Variants in ARPC1A observed in about 807,000 individuals in gnomAD.
ARPC1A encodes the protein actin related protein 2/3 complex subunit 1A.
In ARPC1A, 8 loss-of-function variants were observed where a neutral mutation model predicts 46.9. The ratio of observed to expected loss-of-function variants is 0.17; its 90% CI spans 0.10 to 0.31. The LOEUF (loss-of-function observed/expected upper bound fraction) is 0.31, where lower values mean the gene tolerates loss of function less well. Among genes scored for constraint, ARPC1A ranks in the 10% least tolerant of loss-of-function variants. The pLI, the probability that ARPC1A is intolerant of heterozygous loss-of-function variation, is 1.00. For missense variants in ARPC1A, 286 were observed against 483.6 expected (o/e 0.59, Z 3.83); for synonymous variants, 152 against 169.0 (o/e 0.90, Z 0.78).
intron 1 of ARPC1A, among the ~76,000 whole-genome samples, chr7:99,331,556 T>C (rs1330347179): frequency 2.0e-5 from 3 of 152,252 alleles, no homozygotes; most frequent in Admixed American, 6.5e-5. Context: ...TAATTCCATA[T>C]GTAATATCTA....
At chr7:99,359,834 C>G (rs1793710761) in intron 8 of ARPC1A, 96 bp downstream of exon 8, 1 of 1,336,962 alleles carries the variant, frequency 7.5e-7, no homozygotes, top group South Asian at 1.2e-5. Context: ...CTATGCCCCT[C>G]AGGCCCAGAC....
intron 6 of ARPC1A, among the ~76,000 whole-genome samples, chr7:99,356,995 T>C (rs1793648015): frequency 6.6e-6 from 1 of 152,228 alleles, no homozygotes. Flanking sequence ...TATATATCTT[T>C]TCATTTTTAA....
In ARPC1A at chr7:99,366,034, A is replaced by G. The variant is rs566047137; in HGVS notation, c.*105A>G. On this transcript the variant is annotated 3_prime_UTR_variant, in exon 10 of 10. Transcript: ENST00000262942. ...AGCCCCAAGGAAACACTGAAAACAC[A>G]TATCACGCCAATGCCGTGTGGTTTT... is the stretch of plus-strand genomic sequence containing the variant. The G allele has an allele frequency of 5.7e-5, 76 of 1,340,886 alleles. No homozygotes were observed. In the African/African-American group the frequency reaches 9.5e-4, roughly 17 times the overall value. 83.1% of individuals were successfully genotyped at this position (1,340,886 alleles called of 1,614,324 possible).
intron 4 of ARPC1A, among the ~76,000 whole-genome samples, chr7:99,346,427 T>G (rs750171779): frequency 1.3e-5 from 2 of 152,222 alleles, no homozygotes; most frequent in Non-Finnish European, 2.9e-5. Flanking sequence ...CAGGAAACTT[T>G]TCTTCCAAGT....
chr7:99,332,335 A>G (rs1436712117), intron 1 of ARPC1A, among the ~76,000 whole-genome samples: 2 of 152,192 alleles, frequency 1.3e-5, no homozygotes, highest in Non-Finnish European at 2.9e-5. Flanking sequence ...TGTGTACTTC[A>G]TGTGGACTGC....
At chr7:99,365,217 G>A (rs746775549) in intron 9 of ARPC1A, among the ~76,000 whole-genome samples, 4 of 152,044 alleles carry the variant, frequency 2.6e-5, no homozygotes, top group Non-Finnish European at 5.9e-5. Flanking sequence ...TTGGGAGGCC[G>A]AGGTGGGAGA....
At chr7:99,349,003 C>T in intron 5 of ARPC1A, 44 bp downstream of exon 5, 1 of 1,493,474 alleles carries the variant, frequency 6.7e-7, no homozygotes, top group Non-Finnish European at 9.2e-7. Flanking sequence ...GTGCATTCTT[C>T]ATCCTTCAAC....
chr7:99,330,405 C>T (rs1016810775), intron 1 of ARPC1A, among the ~76,000 whole-genome samples: 1 of 152,140 alleles, frequency 6.6e-6, no homozygotes, highest in African/African-American at 2.4e-5. Context: ...ACCTCCGCCT[C>T]CCATGTTCAA....
intron 6 of ARPC1A, among the ~76,000 whole-genome samples, chr7:99,357,146 C>T (rs1279037914): frequency 1.3e-5 from 2 of 152,106 alleles, no homozygotes; most frequent in Non-Finnish European, 2.9e-5. Context: ...TTAGCATACA[C>T]TTATTACAAG....
chr7:99,351,358 C>G (rs919774601), intron 5 of ARPC1A, among the ~76,000 whole-genome samples: 13 of 152,064 alleles, frequency 8.5e-5, no homozygotes, highest in Admixed American at 8.5e-4. Flanking sequence ...GGATTGCAGG[C>G]GTACACCACC....
In ARPC1A at chr7:99,336,481, A is replaced by ATTT. The variant is rs757908410; in HGVS notation, c.65-1674_65-1672dup. Among the ~76,000 whole-genome samples, 66 of 103,200 alleles carry ATTT rather than the reference A, an allele frequency of 6.4e-4. 4 individuals carry two copies. Among genetic ancestry groups the ATTT allele is most frequent in the Middle Eastern group, 5.3e-3 (1 of 188 alleles). 67.7% of individuals were successfully genotyped at this position (103,200 alleles called of 152,430 possible). A position where few individuals can be genotyped will look rare whatever the true frequency, so the allele number is the denominator to read the frequency against. On this transcript the variant is annotated intron_variant, in intron 2 of 9. Transcript: ENST00000262942. ...CCTAAAGTTTGGATCATAGGTCTTAATTTTTTTTTTTTTTTTTTTTTTTTT... is the reference window on the plus strand; with the variant it reads ...CCTAAAGTTTGGATCATAGGTCTTAATTTTTTTTTTTTTTTTTTTTTTTTTTTT...
chr7:99,359,252 A>G (rs978779531), intron 7 of ARPC1A, among the ~76,000 whole-genome samples: 4 of 145,836 alleles, frequency 2.7e-5, no homozygotes, highest in African/African-American at 7.4e-5. Context: ...CCTGGCCAAC[A>G]TGGTGAAACC....
At chr7:99,351,445 C>G (rs1305810986) in intron 5 of ARPC1A, among the ~76,000 whole-genome samples, 1 of 152,080 alleles carries the variant, frequency 6.6e-6, no homozygotes, top group Non-Finnish European at 1.5e-5. Context: ...TCTCAAACTC[C>G]TGGCCTCGAG....
intron 3 of ARPC1A, among the ~76,000 whole-genome samples, chr7:99,343,388 C>T (rs973865656): frequency 6.6e-6 from 1 of 151,882 alleles, no homozygotes; most frequent in Admixed American, 6.6e-5. Context: ...ATCGCTTGAA[C>T]CCGGGAGGCG....
chr7:99,345,937 G>C (rs1400007356), intron 4 of ARPC1A, among the ~76,000 whole-genome samples: 1 of 152,152 alleles, frequency 6.6e-6, no homozygotes, highest in African/African-American at 2.4e-5. Context: ...TTATGGGCCA[G>C]GTACAGTGGC....
Position 99,363,555 on chromosome 7 carries a change from T to A in ARPC1A, c.996T>A (p.Ile332=). The A allele has an allele frequency of 1.9e-6, 3 of 1,613,202 alleles. No individual in the cohort carries two copies. Among genetic ancestry groups the A allele is most frequent in the Non-Finnish European group, 2.5e-6 (3 of 1,179,720 alleles). ...LHQNSITQVS[I]YEVDKQDCRK... ...TGCTTTTTTTCAGTCAAGTCTCTAT[T>A]TATGAGGTGGACAAGCAAGATTGTC... The change falls in exon 9 of 10, where the codon ATT becomes ATA. Residue 332 remains isoleucine (I), a synonymous_variant. Transcript: ENST00000262942.
intron 1 of ARPC1A, among the ~76,000 whole-genome samples, chr7:99,331,889 A>G (rs962072626): frequency 6.6e-6 from 1 of 152,232 alleles, no homozygotes; most frequent in African/African-American, 2.4e-5. Flanking sequence ...ACTGTACTCC[A>G]GTCTGGGCAA....
intron 1 of ARPC1A, 125 bp from the exon 2 acceptor site, chr7:99,333,200 A>G: frequency 2.9e-6 from 2 of 696,470 alleles, no homozygotes; most frequent in East Asian, 2.9e-5. Context: ...TGGCCAGATT[A>G]TTTTTTAATG....
intron 6 of ARPC1A, among the ~76,000 whole-genome samples, chr7:99,356,586 C>A (rs1793638628): frequency 7.3e-6 from 1 of 136,658 alleles, no homozygotes; most frequent in Admixed American, 8.1e-5. Flanking sequence ...GCCTGGGCAA[C>A]AAGAGGAAGA....
Sources: allele counts gnomAD v4.1 joint callset (sites outside exome capture counted in the v4.1 genomes callset), GRCh38; gene constraint gnomAD v4.1.1; transcripts MANE v1.5; gene names NCBI Gene and HGNC (gene_info 2026-07-23, HGNC 2026-07-21).